The following ALOX5 variants were observed in gnomAD, a reference collection of about 807,000 sequenced individuals.
ALOX5 encodes polyunsaturated fatty acid 5-lipoxygenase.
ALOX5 carries 64 observed loss-of-function variants against 87.9 expected under a neutral mutation model. That is an observed-to-expected ratio of 0.73 (90% CI 0.60 to 0.90). The LOEUF is 0.90. Among genes scored for constraint, ALOX5 ranks in the 40% least tolerant of loss-of-function variants. The pLI is 0.00. For synonymous variants in ALOX5, 388 were observed against 355.1 expected (o/e 1.09, Z -1.04); for missense variants, 822 against 907.5 (o/e 0.91, Z 1.21).
chr10:45,374,829 G>A (rs1378695875), intron 1 of ALOX5, among the ~76,000 whole-genome samples: 1 of 152,194 alleles, frequency 6.6e-6, no homozygotes, highest in Admixed American at 6.5e-5. Flanking sequence ...GGCTCCTTCT[G>A]CAGGTCGCAC....
intron 2 of ALOX5, among the ~76,000 whole-genome samples, chr10:45,388,275 C>A (rs757971182): frequency 6.6e-6 from 1 of 152,228 alleles, no homozygotes; most frequent in Non-Finnish European, 1.5e-5. Context: ...CAGGTCATAG[C>A]CGAACAAAAG....
chr10:45,393,848 AT>A (rs1301111987), intron 2 of ALOX5, among the ~76,000 whole-genome samples: 1 of 152,264 alleles, frequency 6.6e-6, no homozygotes, highest in Non-Finnish European at 1.5e-5. Flanking sequence ...GTGAACTCCC[AT>A]TCACAATTGC....
chr10:45,422,025 G>A (rs754233381), intron 4 of ALOX5, among the ~76,000 whole-genome samples: 19 of 152,144 alleles, frequency 1.2e-4, no homozygotes, highest in Non-Finnish European at 1.3e-4. Flanking sequence ...GGAGACCCAG[G>A]GTAGCCAGGA....
At chr10:45,398,221 A>T (rs1247358872) in intron 3 of ALOX5, among the ~76,000 whole-genome samples, 1 of 152,246 alleles carries the variant, frequency 6.6e-6, no homozygotes, top group Non-Finnish European at 1.5e-5. Flanking sequence ...TTTTGACAGA[A>T]GCAGCAAGAC....
intron 4 of ALOX5, among the ~76,000 whole-genome samples, chr10:45,417,464 G>C (rs1044564369): frequency 3.9e-5 from 6 of 152,274 alleles, no homozygotes; most frequent in Non-Finnish European, 7.4e-5. Context: ...TATTTGCTGA[G>C]TCAAGTCCAT....
intron 8 of ALOX5, 28 bp from the exon 9 acceptor site, chr10:45,441,316 C>T (rs1469801119): frequency 8.7e-6 from 14 of 1,608,032 alleles, no homozygotes; most frequent in Non-Finnish European, 1.2e-5. Flanking sequence ...TGGGCCCCCT[C>T]TGAGGCCTCC....
intron 3 of ALOX5, among the ~76,000 whole-genome samples, chr10:45,404,852 G>C (rs931082229): frequency 6.6e-6 from 1 of 152,216 alleles, no homozygotes; most frequent in South Asian, 2.1e-4. Flanking sequence ...ATTGCTGATT[G>C]TTTTCCAAAG....
rs188299446 is a variant in ALOX5, at chr10:45,409,788, G to T, written c.432-2403G>T. Reference sequence around the variant, plus strand: ...CTTCGGCTCCTGTGCAGGTCAGCCTGTCAGGGTCTCTTAAGCAGCAGTGAC... The same window carrying T: ...CTTCGGCTCCTGTGCAGGTCAGCCTTTCAGGGTCTCTTAAGCAGCAGTGAC... On this transcript the variant is annotated intron_variant, in intron 3 of 13. Transcript: ENST00000374391. Among the ~76,000 whole-genome samples the T allele has an allele frequency of 4.8e-3, 734 of 152,360 alleles. 3 individuals carry two copies. The highest frequency in any genetic ancestry group is 7.3e-3 in the Non-Finnish European group (499 of 68,034).
chr10:45,443,941 G>A (rs1375669249), intron 12 of ALOX5, 113 bp downstream of exon 12: 13 of 1,439,526 alleles, frequency 9.0e-6, no homozygotes, highest in Admixed American at 2.3e-5. Flanking sequence ...GGCCTGGCAC[G>A]GGACTTGCAG....
In ALOX5 at chr10:45,445,806, AC is replaced by A. The variant is rs1294339135; in HGVS notation, c.*121del. 1 of 1,100,790 alleles carries A rather than the reference AC, an allele frequency of 9.1e-7. No individual in the cohort carries two copies. The highest frequency in any genetic ancestry group is 2.4e-5 in the East Asian group (1 of 41,536). The allele number at this position is 1,100,790 out of a possible 1,614,324, so 68.2% of individuals were successfully genotyped here. A position where few individuals can be genotyped will look rare whatever the true frequency, so the allele number is the denominator to read the frequency against. ...TCACATCTCTTCCTCCGAGGCCAGT[AC>A]CTTTCCATTTATTCTTTGATCTTCA... On this transcript the variant is annotated 3_prime_UTR_variant, in exon 14 of 14. Transcript: ENST00000374391.
rs1379849341 is a variant in ALOX5 at position 45,444,244 on chromosome 10, T to G, written c.1803T>G (p.His601Gln). 1 of 1,555,388 alleles carries G rather than the reference T, an allele frequency of 6.4e-7. No individual in the cohort carries two copies. The highest frequency in any genetic ancestry group is 2.4e-5 in the East Asian group (1 of 41,854). The change falls in exon 13 of 14, where the codon CAT becomes CAG. Residue 601 changes from histidine (H) to glutamine (Q), a missense_variant. Physicochemically the swap from His to Gln is conservative, Grantham distance 24. Coordinates refer to ENST00000374391, the MANE Select transcript of ALOX5 (RefSeq NM_000698.5). ...CCGACCGCGGCCGCTCCTGCTGGCA[T>G]CTGGGTGCAGTGTGGGCGCTGAGCC... ...TLPDRGRSCWHLGAVWALSQF... is the reference protein window; with the variant it reads ...TLPDRGRSCWQLGAVWALSQF...
At chr10:45,398,865 A>C (rs961786444) in intron 3 of ALOX5, among the ~76,000 whole-genome samples, 5 of 152,218 alleles carry the variant, frequency 3.3e-5, no homozygotes, top group African/African-American at 1.2e-4. Flanking sequence ...TGCTGGTGGG[A>C]ATGTAAAATG....
intron 2 of ALOX5, among the ~76,000 whole-genome samples, chr10:45,391,382 C>G (rs1840244282): frequency 1.3e-5 from 2 of 152,196 alleles, no homozygotes; most frequent in African/African-American, 4.8e-5. Flanking sequence ...GACGGAGTCT[C>G]ATTCACTCAG....
intron 3 of ALOX5, among the ~76,000 whole-genome samples, chr10:45,399,129 T>C (rs1210952298): frequency 6.6e-6 from 1 of 151,062 alleles, no homozygotes; most frequent in Non-Finnish European, 1.5e-5. Flanking sequence ...AAGAATGAAA[T>C]ACTGACACTT....
At chr10:45,442,826 T>G in intron 9 of ALOX5, 26 of 569,196 alleles carry the variant, frequency 4.6e-5, no homozygotes, top group East Asian at 6.0e-5. Context: ...GTCCCTTGCA[T>G]TGGATTGGGC....
intron 2 of ALOX5, among the ~76,000 whole-genome samples, chr10:45,391,069 TCCCCACGG>T (rs1840219184): frequency 2.4e-5 from 1 of 40,830 alleles, no homozygotes; most frequent in African/African-American, 1.5e-4. Flanking sequence ...CCTCTCCCTC[TCCCCACGG>T]TCTCCCTCTC....
chr10:45,377,863 T>C (rs1839682853), intron 1 of ALOX5, among the ~76,000 whole-genome samples: 1 of 152,192 alleles, frequency 6.6e-6, no homozygotes, highest in African/African-American at 2.4e-5. Flanking sequence ...ACTGACTCTT[T>C]GCCGAAATAT....
At chr10:45,419,863 G>A (rs954538420) in intron 4 of ALOX5, among the ~76,000 whole-genome samples, 1 of 152,356 alleles carries the variant, frequency 6.6e-6, no homozygotes, top group South Asian at 2.1e-4. Flanking sequence ...GAGGAAGGGA[G>A]GGACGTAGCA....
At chr10:45,444,000 A>G (rs972175160) in intron 12 of ALOX5, 116 bp from the exon 13 acceptor site, 43 of 1,440,100 alleles carry the variant, frequency 3.0e-5, no homozygotes, top group Non-Finnish European at 4.0e-5. Context: ...GGGAAAGAGG[A>G]TGGACGGACT....
Sources: gnomAD v4.1 joint callset for allele counts (sites outside exome capture counted in the v4.1 genomes callset) on GRCh38, gnomAD v4.1.1 for gene constraint, MANE v1.5 for transcripts, NCBI Gene and HGNC (gene_info 2026-07-23, HGNC 2026-07-21) for gene names.